The following KCNJ15 variants were observed in gnomAD, a reference collection of about 807,000 sequenced individuals.
KCNJ15 encodes the protein potassium inwardly rectifying channel subfamily J member 15.
A neutral mutation model predicts 23.0 loss-of-function variants in KCNJ15; 14 were observed. That is an observed-to-expected ratio of 0.61 (90% confidence interval 0.40 to 0.95). The LOEUF (loss-of-function observed/expected upper bound fraction) is 0.95, where lower values mean the gene tolerates loss of function less well. KCNJ15 is among the 40% of genes least tolerant of loss of function. The pLI is 0.00. For synonymous variants in KCNJ15, 185 were observed against 183.2 expected (o/e 1.01, Z -0.08); for missense variants, 388 against 461.8 (o/e 0.84, Z 1.46).
At chr21:38,230,748 T>C (rs959117395) in intron 1 of KCNJ15, among the ~76,000 whole-genome samples, 4 of 152,144 alleles carry the variant, frequency 2.6e-5, no homozygotes, top group African/African-American at 4.8e-5. Context: ...TTAAGTAGTT[T>C]ACTTTTGGGC....
intron 1 of KCNJ15, among the ~76,000 whole-genome samples, chr21:38,269,862 G>A (rs1050754138): frequency 6.6e-6 from 1 of 151,994 alleles, no homozygotes; most frequent in Non-Finnish European, 1.5e-5. Flanking sequence ...AGTGACCACT[G>A]TAAAACACCA....
At chr21:38,293,892 G>A (rs1331250131) in intron 1 of KCNJ15, among the ~76,000 whole-genome samples, 1 of 152,228 alleles carries the variant, frequency 6.6e-6, no homozygotes, top group African/African-American at 2.4e-5. Context: ...CCCTTGGCTG[G>A]TATGGATGAG....
intron 1 of KCNJ15, among the ~76,000 whole-genome samples, chr21:38,263,603 A>G (rs1014672745): frequency 6.6e-6 from 1 of 152,150 alleles, no homozygotes; most frequent in African/African-American, 2.4e-5. Flanking sequence ...CCTGACCACA[A>G]CTATGATTCC....
rs1986042133 is a variant in KCNJ15 at position 38,306,006 on chromosome 21, G to A, written c.*5617G>A. 1 of 152,214 alleles carries A rather than the reference G, an allele frequency of 6.6e-6. No homozygotes were observed. Among genetic ancestry groups the A allele is most frequent in the Non-Finnish European group, 1.5e-5 (1 of 68,052 alleles). The allele number at this position is 152,214 out of a possible 1,614,324, so 9.4% of individuals were successfully genotyped here. ...CGTGCACTGTCTGAGTCTCCATAGTGAGGAATGGTCTTCCCTGGGGCATCA... is the reference window on the plus strand; with the variant it reads ...CGTGCACTGTCTGAGTCTCCATAGTAAGGAATGGTCTTCCCTGGGGCATCA... On this transcript the variant is annotated 3_prime_UTR_variant, in exon 3 of 3. Transcript: ENST00000398938.
At chr21:38,237,678 A>G (rs1276893325) in intron 1 of KCNJ15, among the ~76,000 whole-genome samples, 3 of 152,132 alleles carry the variant, frequency 2.0e-5, no homozygotes, top group Non-Finnish European at 4.4e-5. Flanking sequence ...CAAAGATGAA[A>G]AGTGACCTTG....
chr21:38,275,837 C>T (rs187862899), intron 1 of KCNJ15, among the ~76,000 whole-genome samples: 71 of 152,214 alleles, frequency 4.7e-4, no homozygotes, highest in African/African-American at 1.5e-3. Flanking sequence ...TGTCTGTAAT[C>T]TTCTTTCTCC....
chr21:38,285,753 C>T (rs997953215), intron 1 of KCNJ15: 4 of 152,366 alleles, frequency 2.6e-5, no homozygotes, highest in Admixed American at 2.6e-4. Context: ...AGAGCCAGGG[C>T]TTAAGGGTCT....
rs535126403 is a variant in KCNJ15, at chr21:38,265,183, T to C, written c.-117+7998T>C. Among the ~76,000 whole-genome samples, 4 of 152,322 alleles carry C rather than the reference T, an allele frequency of 2.6e-5. No individual in the cohort carries two copies. In the South Asian group the frequency reaches 8.3e-4, roughly 32 times the overall value. The stretch of plus-strand genomic sequence containing the variant: ...TAAAGGTATTTGGCTCTGAATGTGT[T>C]TTAAATTTTAAATTGAAGAGAATTT... On this transcript the variant is annotated intron_variant, in intron 1 of 2. Transcript: ENST00000398938.
At chr21:38,272,650 A>G (rs1025617847) in intron 1 of KCNJ15, 1 of 152,226 alleles carries the variant, frequency 6.6e-6, no homozygotes, top group African/African-American at 2.4e-5. Context: ...AGATTTCTGG[A>G]AGATCCAATC....
intron 1 of KCNJ15, among the ~76,000 whole-genome samples, chr21:38,289,053 C>T (rs897370838): frequency 2.0e-5 from 3 of 151,686 alleles, no homozygotes; most frequent in East Asian, 1.9e-4. Context: ...ATAAATTAGC[C>T]GGGTATGGTG....
At chr21:38,267,952 A>G (rs1981635266) in intron 1 of KCNJ15, among the ~76,000 whole-genome samples, 2 of 152,344 alleles carry the variant, frequency 1.3e-5, no homozygotes, top group East Asian at 1.9e-4. Context: ...TTGTAGTCAC[A>G]TAATTACTGG....
At chr21:38,232,062 G>T (rs1313189924) in intron 1 of KCNJ15, among the ~76,000 whole-genome samples, 2 of 150,802 alleles carry the variant, frequency 1.3e-5, no homozygotes, top group Non-Finnish European at 3.0e-5. Flanking sequence ...TAAATAATTG[G>T]TAGAATGCAC....
intron 1 of KCNJ15, among the ~76,000 whole-genome samples, chr21:38,260,180 A>G (rs1980730797): frequency 1.6e-5 from 1 of 61,256 alleles, no homozygotes; most frequent in Admixed American, 1.1e-4. Flanking sequence ...TGTTGAAATG[A>G]AAGAAAAAAA....
At chr21:38,246,117 C>T (rs541725531) in intron 1 of KCNJ15, among the ~76,000 whole-genome samples, 63 of 152,274 alleles carry the variant, frequency 4.1e-4, no homozygotes, top group Middle Eastern at 3.4e-3. Context: ...TTAAATGACA[C>T]GGTAGACATA....
upstream of KCNJ15, among the ~76,000 whole-genome samples, chr21:38,251,989 G>A (rs1979870776): frequency 6.6e-6 from 1 of 152,160 alleles, no homozygotes; most frequent in African/African-American, 2.4e-5. Flanking sequence ...GGAAGATGGG[G>A]AAGCCTCCAG....
Position 38,300,421 on chromosome 21 carries a change from A to C in KCNJ15, c.*32A>C. ...GGGCGCCATCCAGGTTTAACCCTGC[A>C]AGCTGTTTCCACATCAGAACTCCCT... is the stretch of plus-strand genomic sequence containing the variant. On this transcript the variant is annotated 3_prime_UTR_variant, in exon 3 of 3. Transcript: ENST00000398938. 6.4e-7 allele frequency: 1 copy of C among 1,551,798 alleles called. No individual in the cohort carries two copies. Among genetic ancestry groups the C allele is most frequent in the African/African-American group, 1.4e-5 (1 of 73,014 alleles).
At chr21:38,279,754 C>G (rs1018037038) in intron 1 of KCNJ15, among the ~76,000 whole-genome samples, 1 of 152,126 alleles carries the variant, frequency 6.6e-6, no homozygotes, top group Non-Finnish European at 1.5e-5. Flanking sequence ...TTAGTGAAAG[C>G]CATTCTATTT....
At chr21:38,261,449 T>G (rs1446719221) in intron 1 of KCNJ15, among the ~76,000 whole-genome samples, 1 of 152,248 alleles carries the variant, frequency 6.6e-6, no homozygotes, top group Non-Finnish European at 1.5e-5. Context: ...AATGAATGGT[T>G]GAATTAACTT....
chr21:38,270,351 A>G (rs1295716211), intron 1 of KCNJ15, among the ~76,000 whole-genome samples: 1 of 152,062 alleles, frequency 6.6e-6, no homozygotes, highest in East Asian at 1.9e-4. Flanking sequence ...TCCCTTTTGC[A>G]CCCTGAGCTG....
Sources: allele counts gnomAD v4.1 joint callset (sites outside exome capture counted in the v4.1 genomes callset), GRCh38; gene constraint gnomAD v4.1.1; transcripts MANE v1.5; gene names NCBI Gene and HGNC (gene_info 2026-07-23, HGNC 2026-07-21).